Variants in NEDD4L observed in about 807,000 individuals in gnomAD.
NEDD4L encodes NEDD4 like E3 ubiquitin protein ligase, also known as E3 ubiquitin-protein ligase NEDD4-like.
NEDD4L carries 54 observed loss-of-function variants against 148.9 expected under a neutral mutation model. That is an observed-to-expected ratio of 0.36 (90% CI 0.29 to 0.45). The LOEUF is 0.45. Among genes scored for constraint, NEDD4L ranks in the 20% least tolerant of loss-of-function variants. NEDD4L has a pLI of 1.00. For missense variants in NEDD4L, 856 were observed against 1,233.8 expected (o/e 0.69, Z 4.59); for synonymous variants, 433 against 440.7 (o/e 0.98, Z 0.22).
At chr18:58,082,079 A>AATATATATAT (rs72331379) in intron 1 of NEDD4L, among the ~76,000 whole-genome samples, 11 of 89,946 alleles carry the variant, frequency 1.2e-4, no homozygotes, top group Admixed American at 5.7e-4. Flanking sequence ...CTTTCTGATG[A>AATATATATAT]ATATATATAT....
chr18:58,326,466 T>A (rs1161108220), intron 9 of NEDD4L, among the ~76,000 whole-genome samples: 1 of 152,272 alleles, frequency 6.6e-6, no homozygotes, highest in African/African-American at 2.4e-5. Flanking sequence ...TATTGCTTAC[T>A]ATTTCCTTTT....
At chr18:58,106,279 T>G (rs1460321067) in intron 1 of NEDD4L, among the ~76,000 whole-genome samples, 1 of 152,270 alleles carries the variant, frequency 6.6e-6, no homozygotes, top group African/African-American at 2.4e-5. Flanking sequence ...TTGTACCTAC[T>G]CTTAAGTCTT....
rs2046173144 is a variant in NEDD4L at position 58,366,853 on chromosome 18, T to C, written c.2063+625T>C. 1.3e-5 allele frequency among the ~76,000 whole-genome samples: 2 copies of C among 152,196 alleles called. No homozygotes were observed. Among genetic ancestry groups the C allele is most frequent in the South Asian group, 4.1e-4 (2 of 4,828 alleles). On this transcript the variant is annotated intron_variant, in intron 21 of 30. Coordinates refer to ENST00000400345, the MANE Select transcript of NEDD4L (RefSeq NM_001144967.3). This position sits in a 1 kb window ranked among gnomAD's most constrained non-coding sequence, Gnocchi z 4.2. ...CCAGTAGAATAGTCATTGACCTTGC[T>C]GAAGGGCATTTGTCATCACTCCAGC...
chr18:58,251,272 T>C (rs904000727), intron 4 of NEDD4L, among the ~76,000 whole-genome samples: 1 of 152,184 alleles, frequency 6.6e-6, no homozygotes, highest in African/African-American at 2.4e-5. Flanking sequence ...ATGCCTGTAA[T>C]CCCAGCACTT....
chr18:58,208,866 G>A (rs2042227684), intron 2 of NEDD4L, among the ~76,000 whole-genome samples: 4 of 152,222 alleles, frequency 2.6e-5, no homozygotes, highest in South Asian at 2.1e-4. Flanking sequence ...GCTCACTGTC[G>A]TGACATGGGA....
chr18:58,266,191 A>G (rs1343514695), intron 5 of NEDD4L, among the ~76,000 whole-genome samples: 1 of 152,092 alleles, frequency 6.6e-6, no homozygotes, highest in East Asian at 1.9e-4. Context: ...CGGATCTGCA[A>G]CCTAAACCAA....
At chr18:58,071,021 C>T (rs962575162) in intron 1 of NEDD4L, among the ~76,000 whole-genome samples, 1 of 151,658 alleles carries the variant, frequency 6.6e-6, no homozygotes, top group East Asian at 1.9e-4. Context: ...AAGATATGTC[C>T]CATATACAGG....
chr18:58,047,255 C>T (rs1422550910), intron 1 of NEDD4L: 1 of 984,922 alleles, frequency 1.0e-6, no homozygotes, highest in Non-Finnish European at 1.2e-6. Flanking sequence ...AGAGTGACCT[C>T]ATAAATCTTT....
chr18:58,324,675 G>A (rs1601255526), intron 8 of NEDD4L, among the ~76,000 whole-genome samples: 1 of 152,210 alleles, frequency 6.6e-6, no homozygotes, highest in African/African-American at 2.4e-5. Context: ...CAAACATGAC[G>A]TATGGAAAGA....
rs2048552617 is a variant in NEDD4L, at chr18:58,256,297, G to A, written c.297+4243G>A. 1.2e-5 allele frequency: 15 copies of A among 1,231,698 alleles called. No individual in the cohort carries two copies. Among genetic ancestry groups the A allele is most frequent in the Non-Finnish European group, 1.4e-5 (14 of 987,822 alleles). 76.3% of individuals were successfully genotyped at this position (1,231,698 alleles called of 1,614,324 possible). On this transcript the variant is annotated intron_variant, in intron 5 of 30. Coordinates refer to ENST00000400345, the MANE Select transcript of NEDD4L (RefSeq NM_001144967.3). The surrounding 1 kb of genome is among the most constrained non-coding windows in gnomAD (Gnocchi z 5.2). ...CCGATGGCCAGGGCGGCCCGGCCGC[G>A]GCAGAGCCCAGGCGCTGGTCCCTGC... is the stretch of plus-strand genomic sequence containing the variant.
intron 4 of NEDD4L, among the ~76,000 whole-genome samples, chr18:58,251,486 C>T (rs1225180742): frequency 6.6e-6 from 1 of 152,058 alleles, no homozygotes; most frequent in East Asian, 1.9e-4. Flanking sequence ...TGCAGTCCAG[C>T]CTGGGCAACA....
intron 2 of NEDD4L, among the ~76,000 whole-genome samples, chr18:58,178,831 C>T (rs2038479639): frequency 6.6e-6 from 1 of 152,206 alleles, no homozygotes; most frequent in Non-Finnish European, 1.5e-5. Flanking sequence ...ACTGATTGAT[C>T]ATTGTTTTAA....
chr18:58,124,567 C>A (rs1472990022), intron 1 of NEDD4L, among the ~76,000 whole-genome samples: 1 of 151,934 alleles, frequency 6.6e-6, no homozygotes, highest in Non-Finnish European at 1.5e-5. Flanking sequence ...TGTGCTCCAT[C>A]TTTAGAGAGT....
At chr18:58,057,986 A>G (rs1477519098) in intron 1 of NEDD4L, among the ~76,000 whole-genome samples, 2 of 152,188 alleles carry the variant, frequency 1.3e-5, no homozygotes, top group Non-Finnish European at 2.9e-5. Flanking sequence ...TCACTCAGCC[A>G]TTCCAATTTC....
intron 3 of NEDD4L, among the ~76,000 whole-genome samples, 166 bp downstream of exon 3, chr18:58,245,674 C>CTTTTT (rs57282316): frequency 3.7e-4 from 33 of 89,250 alleles, no homozygotes; most frequent in Non-Finnish European, 4.9e-4. Flanking sequence ...CACTTTTTCT[C>CTTTTT]TTTTTTTTTT....
At chr18:58,204,272 C>G (rs2041752152) in intron 2 of NEDD4L, among the ~76,000 whole-genome samples, 1 of 151,874 alleles carries the variant, frequency 6.6e-6, no homozygotes, top group Non-Finnish European at 1.5e-5. Context: ...AGGTTGCAGT[C>G]AGCCAAGATT....
chr18:58,323,834 T>C (rs2059067945), intron 8 of NEDD4L, among the ~76,000 whole-genome samples: 1 of 152,228 alleles, frequency 6.6e-6, no homozygotes, highest in East Asian at 1.9e-4. Context: ...TTTTCCTTCC[T>C]GACAGAGCCG....
intron 1 of NEDD4L, among the ~76,000 whole-genome samples, chr18:58,089,841 CTT>C (rs759472299): frequency 2.8e-4 from 39 of 137,838 alleles, no homozygotes; most frequent in Admixed American, 2.2e-4. Context: ...CTTCCTTTTC[CTT>C]TTTTTTTTTT....
chr18:58,079,147 G>C (rs556154511), intron 1 of NEDD4L, among the ~76,000 whole-genome samples: 47 of 152,252 alleles, frequency 3.1e-4, no homozygotes, highest in African/African-American at 1.1e-3. Flanking sequence ...CAACCTTCTT[G>C]GGAGTCTTGG....
Sources: gnomAD v4.1 joint callset for allele counts (sites outside exome capture counted in the v4.1 genomes callset) on GRCh38, gnomAD v4.1.1 for gene constraint, Gnocchi (gnomAD v3.1) non-coding constraint, MANE v1.5 for transcripts, NCBI Gene and HGNC (gene_info 2026-07-23, HGNC 2026-07-21) for gene names.